Variants in LMCD1 observed in about 807,000 individuals in gnomAD.
LMCD1 encodes LIM and cysteine-rich domains protein 1.
A neutral mutation model predicts 42.7 loss-of-function variants in LMCD1; 32 were observed. The ratio of observed to expected loss-of-function variants is 0.75; its 90% CI spans 0.57 to 1.01. The LOEUF (loss-of-function observed/expected upper bound fraction) is 1.01, where lower values mean the gene tolerates loss of function less well. Ranked by LOEUF, LMCD1 falls within the 50% of genes least tolerant of loss-of-function variation. The pLI is 0.00. For synonymous variants in LMCD1, 178 were observed against 184.9 expected (o/e 0.96, Z 0.30); for missense variants, 458 against 483.1 (o/e 0.95, Z 0.49).
intron 4 of LMCD1, among the ~76,000 whole-genome samples, chr3:8,564,248 C>G (rs1434208498): frequency 6.6e-6 from 1 of 152,060 alleles, no homozygotes; most frequent in Admixed American, 6.5e-5. Context: ...TTCTGTAACT[C>G]TAGAACTACT....
chr3:8,539,911 C>G, intron 3 of LMCD1, among the ~76,000 whole-genome samples: 1 of 143,110 alleles, frequency 7.0e-6, no homozygotes. Flanking sequence ...GCCATGTTGG[C>G]GTGCTGCACC....
intron 4 of LMCD1, among the ~76,000 whole-genome samples, chr3:8,561,561 G>A (rs1354550679): frequency 2.0e-5 from 3 of 152,150 alleles, no homozygotes; most frequent in Non-Finnish European, 2.9e-5. Flanking sequence ...TACTGATGCC[G>A]GATCTCAAGT....
At chr3:8,552,441 T>G (rs111549697) in intron 4 of LMCD1, among the ~76,000 whole-genome samples, 8 of 152,296 alleles carry the variant, frequency 5.3e-5, no homozygotes, top group African/African-American at 1.7e-4. Context: ...AGGCCTATGC[T>G]GTGGTCCTTA....
chr3:8,559,471 A>G (rs1694987657), intron 4 of LMCD1, among the ~76,000 whole-genome samples: 1 of 152,236 alleles, frequency 6.6e-6, no homozygotes, highest in Non-Finnish European at 1.5e-5. Context: ...CAACAGGTGA[A>G]AAAACAGAGG....
At chr3:8,515,851 C>T (rs1241704865) in intron 1 of LMCD1, among the ~76,000 whole-genome samples, 2 of 152,030 alleles carry the variant, frequency 1.3e-5, no homozygotes, top group African/African-American at 4.8e-5. Context: ...ATTTAAGCAC[C>T]CCTCAGTGTG....
intron 1 of LMCD1, among the ~76,000 whole-genome samples, chr3:8,504,597 C>T (rs900677311): frequency 1.3e-5 from 2 of 152,246 alleles, no homozygotes; most frequent in Non-Finnish European, 2.9e-5. Flanking sequence ...CAACCCCAGA[C>T]AGGCTGGGGA....
At chr3:8,533,001 G>C (rs1357250009) in intron 2 of LMCD1, among the ~76,000 whole-genome samples, 176 bp downstream of exon 2, 1 of 152,096 alleles carries the variant, frequency 6.6e-6, no homozygotes, top group Non-Finnish European at 1.5e-5. Context: ...AAAAGTCCTT[G>C]GGGGAGTGTG....
chr3:8,550,974 A>G (rs1694829618), intron 4 of LMCD1: 1 of 985,310 alleles, frequency 1.0e-6, no homozygotes, highest in Non-Finnish European at 1.2e-6. Context: ...GCCTACAGTC[A>G]GCTTTAGGAA....
intron 4 of LMCD1, among the ~76,000 whole-genome samples, chr3:8,555,599 A>T (rs1472898461): frequency 1.3e-5 from 2 of 151,538 alleles, no homozygotes; most frequent in African/African-American, 4.9e-5. Context: ...TGCAGTGGAG[A>T]TACTTTAGTG....
At chr3:8,504,157 C>T (rs1693826450) in intron 1 of LMCD1, among the ~76,000 whole-genome samples, 1 of 152,108 alleles carries the variant, frequency 6.6e-6, no homozygotes, top group East Asian at 1.9e-4. Flanking sequence ...GGAAGATCAC[C>T]ATTTTGTAGG....
Position 8,568,518 on chromosome 3 carries a change from A to C in LMCD1, c.*920A>C, listed in dbSNP as rs1218361892. ...GGGTGCCACATGGGATGTGGTGACT[A>C]ATGTGGGCAGATCTTTAAAAATACA... On this transcript the variant is annotated 3_prime_UTR_variant, in exon 6 of 6. Transcript: ENST00000157600. The C allele has an allele frequency of 6.6e-6, 1 of 152,222 alleles. No individual in the cohort carries two copies. Among genetic ancestry groups the C allele is most frequent in the Non-Finnish European group, 1.5e-5 (1 of 68,044 alleles). The allele number at this position is 152,222 out of a possible 1,614,324, so 9.4% of individuals were successfully genotyped here.
intron 4 of LMCD1, among the ~76,000 whole-genome samples, chr3:8,557,172 C>T (rs1694943401): frequency 6.6e-6 from 1 of 152,116 alleles, no homozygotes; most frequent in Non-Finnish European, 1.5e-5. Flanking sequence ...GAAGACTATA[C>T]AGTGTGGGGA....
At chr3:8,544,953 C>T (rs1236907139) in intron 3 of LMCD1, among the ~76,000 whole-genome samples, 4 of 152,104 alleles carry the variant, frequency 2.6e-5, no homozygotes, top group South Asian at 2.1e-4. Flanking sequence ...CTAATCTCCC[C>T]GTCCCTGGGA....
chr3:8,567,661 G>A lies in LMCD1; in HGVS notation c.*63G>A, dbSNP rs187484773. On this transcript the variant is annotated 3_prime_UTR_variant, in exon 6 of 6. Transcript: ENST00000157600. Reference sequence around the variant, plus strand: ...ACCGAGAAGGAGAGCCAGGTGTGCCGAGACCATCCTAAGGGTCCGATGTGA... The same window carrying A: ...ACCGAGAAGGAGAGCCAGGTGTGCCAAGACCATCCTAAGGGTCCGATGTGA... The A allele has an allele frequency of 3.6e-5, 56 of 1,538,930 alleles. No homozygotes were observed. The highest frequency in any genetic ancestry group is 1.8e-4 in the African/African-American group (13 of 72,274).
chr3:8,508,309 C>T (rs1208484552), intron 1 of LMCD1, among the ~76,000 whole-genome samples: 2 of 152,124 alleles, frequency 1.3e-5, no homozygotes, highest in Non-Finnish European at 2.9e-5. Flanking sequence ...AAATCATGAC[C>T]AAGCCAAACA....
At chr3:8,502,575 C>T (rs1693782109) in intron 1 of LMCD1, among the ~76,000 whole-genome samples, 1 of 48,806 alleles carries the variant, frequency 2.0e-5, no homozygotes, top group Admixed American at 1.8e-4. Context: ...CCAATACACA[C>T]ACACACACAC....
chr3:8,543,844 C>T lies in LMCD1; in HGVS notation c.388-4724C>T, dbSNP rs546262150. ...AGACCCAGAAAACTTTTCACAAGGT[C>T]TCCCAGTGATTCTTATGCACCCTAA... On this transcript the variant is annotated intron_variant, in intron 3 of 5. Coordinates refer to ENST00000157600, the MANE Select transcript of LMCD1 (RefSeq NM_014583.4). 7.9e-5 allele frequency among the ~76,000 whole-genome samples: 12 copies of T among 152,352 alleles called. No homozygotes were observed. In the South Asian group the frequency reaches 2.5e-3, roughly 32 times the overall value.
intron 1 of LMCD1, among the ~76,000 whole-genome samples, chr3:8,507,932 T>C (rs1693916212): frequency 6.6e-6 from 1 of 152,226 alleles, no homozygotes; most frequent in Admixed American, 6.5e-5. Context: ...AACTCATTGA[T>C]AGTCTGGTTC....
Position 8,501,954 on chromosome 3 carries a change from A to G in LMCD1, c.16A>G (p.Lys6Glu). 2 of 1,594,480 alleles carry G rather than the reference A, an allele frequency of 1.3e-6. No individual in the cohort carries two copies. The highest frequency in any genetic ancestry group is 1.7e-6 in the Non-Finnish European group (2 of 1,171,700). The part of the protein sequence containing the change: MAKVA[K>E]DLNPGVKKMS... ...CCAGAAGAGGATGGCAAAGGTGGCT[A>G]AGGACCTCAACCCAGGAGTTAAAAA... The change falls in exon 1 of 6, where the codon AAG (lysine) becomes GAG (glutamate). Residue 6 changes from lysine (K) to glutamate (E), a missense_variant. By Grantham distance (56) the Lys-to-Glu change is moderately conservative. Coordinates refer to ENST00000157600, the MANE Select transcript of LMCD1 (RefSeq NM_014583.4).
Sources: allele counts gnomAD v4.1 joint callset (sites outside exome capture counted in the v4.1 genomes callset), GRCh38; gene constraint gnomAD v4.1.1; transcripts MANE v1.5; gene names NCBI Gene and HGNC (gene_info 2026-07-23, HGNC 2026-07-21).